Variants in STXBP5L observed in about 807,000 individuals in gnomAD.
STXBP5L encodes the protein syntaxin-binding protein 5-like.
A neutral mutation model predicts 144.5 loss-of-function variants in STXBP5L; 65 were observed. That is an observed-to-expected ratio of 0.45 (90% CI 0.37 to 0.55). The LOEUF (loss-of-function observed/expected upper bound fraction) is 0.55. STXBP5L is among the 20% of genes least tolerant of loss of function. The probability of loss-of-function intolerance (pLI) is 0.00; values close to 1 mark genes in which losing one functional copy is unlikely to be tolerated. For synonymous variants in STXBP5L, 505 were observed against 469.6 expected, an observed-to-expected ratio of 1.08 and a Z score of -0.97; for missense variants, 1,298 against 1,405.5, an observed-to-expected ratio of 0.92 and a Z score of 1.22.
At chr3:121,081,294 C>T (rs976095569) in intron 5 of STXBP5L, among the ~76,000 whole-genome samples, 1 of 151,918 alleles carries the variant, frequency 6.6e-6, no homozygotes, top group Non-Finnish European at 1.5e-5. Flanking sequence ...TTTTTACCTT[C>T]CTCTGGTATT....
rs576192365 is a variant in STXBP5L at position 121,214,141 on chromosome 3, T to A, written c.956+8140T>A. ...GCTAGTTGTCTATGTATTTTGTTAA[T>A]CTTTTCAAAAACCCGCACCTGGATT... On this transcript the variant is annotated intron_variant, in intron 10 of 26. Coordinates refer to ENST00000471454, the MANE Select transcript of STXBP5L (RefSeq NM_001308330.2). Among the ~76,000 whole-genome samples the A allele has an allele frequency of 2.0e-5, 3 of 152,286 alleles. No individual in the cohort carries two copies. In the East Asian group the frequency reaches 5.8e-4, roughly 29 times the overall value.
chr3:120,980,137 C>T (rs1182870252), intron 3 of STXBP5L, among the ~76,000 whole-genome samples: 6 of 152,074 alleles, frequency 3.9e-5, no homozygotes, highest in African/African-American at 1.4e-4. Context: ...TGTGGCCTGA[C>T]ATATGGTATA....
intron 5 of STXBP5L, among the ~76,000 whole-genome samples, chr3:121,094,263 A>C (rs1446242634): frequency 6.6e-6 from 1 of 152,084 alleles, no homozygotes; most frequent in African/African-American, 2.4e-5. Context: ...TTTGGGGTGG[A>C]GAGTTCTGTA....
intron 20 of STXBP5L, among the ~76,000 whole-genome samples, chr3:121,347,251 T>A (rs2045033098): frequency 1.3e-5 from 2 of 152,204 alleles, no homozygotes; most frequent in Admixed American, 6.5e-5. Context: ...TTGTCAAAGA[T>A]CAGATAGTTG....
intron 20 of STXBP5L, among the ~76,000 whole-genome samples, chr3:121,362,288 G>T (rs565813287): frequency 3.3e-5 from 5 of 152,234 alleles, no homozygotes; most frequent in African/African-American, 1.2e-4. Flanking sequence ...TTACTCCCTG[G>T]CTAATGCCTA....
chr3:120,963,737 T>C (rs1231138985), intron 3 of STXBP5L, among the ~76,000 whole-genome samples: 2 of 152,202 alleles, frequency 1.3e-5, no homozygotes, highest in Non-Finnish European at 2.9e-5. Flanking sequence ...AATTCTCTTT[T>C]ATTGTTGTGT....
rs72969916 is a variant in STXBP5L at position 121,371,788 on chromosome 3, T to C, written c.2177-6928T>C. On this transcript the variant is annotated intron_variant, in intron 20 of 26. Transcript: ENST00000471454. ...TGCCAAGGCCAGGGCCACTATTTTC[T>C]GTGCCTAATTTTGCACCAGTGGCAG... Among the ~76,000 whole-genome samples, 388 of 152,356 alleles carry C rather than the reference T, an allele frequency of 2.5e-3. 2 individuals are homozygous for C. Among genetic ancestry groups the C allele is most frequent in the African/African-American group, 8.8e-3 (365 of 41,598 alleles).
At chr3:121,010,896 G>C (rs751969513) in intron 3 of STXBP5L, among the ~76,000 whole-genome samples, 9 of 151,556 alleles carry the variant, frequency 5.9e-5, no homozygotes, top group Non-Finnish European at 1.2e-4. Context: ...TTGTCTTGCT[G>C]TCTGGGGTGG....
chr3:120,909,801 C>T, intron 2 of STXBP5L, 34 bp downstream of exon 2: 1 of 1,573,008 alleles, frequency 6.4e-7, no homozygotes, highest in Non-Finnish European at 8.6e-7. Flanking sequence ...CCTATTATTT[C>T]TTTATTATAC....
chr3:121,060,697 T>A (rs867485942), intron 5 of STXBP5L, among the ~76,000 whole-genome samples: 5 of 152,224 alleles, frequency 3.3e-5, no homozygotes, highest in Middle Eastern at 3.2e-3. Flanking sequence ...TAGTTTAGAC[T>A]TGGGAGGTTA....
At chr3:121,350,455 A>G (rs1371878528) in intron 20 of STXBP5L, among the ~76,000 whole-genome samples, 1 of 152,018 alleles carries the variant, frequency 6.6e-6, no homozygotes, top group Admixed American at 6.6e-5. Context: ...GCTCTTCTCG[A>G]GGAGTATCTT....
Position 121,211,901 on chromosome 3 carries a change from C to T in STXBP5L, c.956+5900C>T, listed in dbSNP as rs150967692. 2.5e-3 allele frequency among the ~76,000 whole-genome samples: 384 copies of T among 152,110 alleles called. 2 individuals are homozygous for T. The highest frequency in any genetic ancestry group is 8.6e-3 in the African/African-American group (357 of 41,518). On this transcript the variant is annotated intron_variant, in intron 10 of 26. Transcript: ENST00000471454. Reference sequence around the variant, plus strand: ...GCCTGTTTCCTGACTTTTTAAGGATCGCCATTCTAACTGGCATGAGATTGT... The same window carrying T: ...GCCTGTTTCCTGACTTTTTAAGGATTGCCATTCTAACTGGCATGAGATTGT...
At chr3:121,368,676 A>G (rs2045937280) in intron 20 of STXBP5L, among the ~76,000 whole-genome samples, 1 of 151,900 alleles carries the variant, frequency 6.6e-6, no homozygotes, top group Admixed American at 6.6e-5. Flanking sequence ...AATTTGCTTT[A>G]TAGTTGTAAT....
intron 2 of STXBP5L, among the ~76,000 whole-genome samples, chr3:120,941,616 C>T (rs866706275): frequency 6.6e-5 from 10 of 151,588 alleles, no homozygotes; most frequent in Admixed American, 5.3e-4. Context: ...TAAATATTTA[C>T]AAAATACTTT....
intron 7 of STXBP5L, among the ~76,000 whole-genome samples, chr3:121,133,916 G>A (rs1222448197): frequency 6.6e-6 from 1 of 152,072 alleles, no homozygotes; most frequent in Non-Finnish European, 1.5e-5. Context: ...TCATTATCAA[G>A]AGAACAGCAA....
chr3:121,216,825 G>A (rs1319783507), intron 10 of STXBP5L, among the ~76,000 whole-genome samples: 1 of 152,180 alleles, frequency 6.6e-6, no homozygotes, highest in African/African-American at 2.4e-5. Context: ...GGAGATGGGA[G>A]TTTTATCTAT....
chr3:121,374,036 A>T (rs2046111350), intron 20 of STXBP5L, among the ~76,000 whole-genome samples: 1 of 152,104 alleles, frequency 6.6e-6, no homozygotes. Context: ...CCCCCCAGGG[A>T]ACCAAGAACT....
intron 12 of STXBP5L, among the ~76,000 whole-genome samples, chr3:121,234,022 C>A (rs1026203564): frequency 1.3e-5 from 2 of 152,126 alleles, no homozygotes; most frequent in Non-Finnish European, 1.5e-5. Flanking sequence ...GAAAATGACA[C>A]ATGATAGAAG....
At chr3:121,200,144 C>G (rs528624791) in intron 9 of STXBP5L, among the ~76,000 whole-genome samples, 7 of 152,184 alleles carry the variant, frequency 4.6e-5, no homozygotes, top group African/African-American at 1.7e-4. Flanking sequence ...CTATTAATTA[C>G]TGCCTCAATT....
Sources: allele counts gnomAD v4.1 joint callset (sites outside exome capture counted in the v4.1 genomes callset), GRCh38; gene constraint gnomAD v4.1.1; transcripts MANE v1.5; gene names NCBI Gene and HGNC (gene_info 2026-07-23, HGNC 2026-07-21).